TENM2: variants seen among roughly 807,000 people sequenced by gnomAD.
TENM2 encodes the protein teneurin transmembrane protein 2.
Under a neutral mutation model 245.2 loss-of-function variants are expected in TENM2, and 52 were observed. That is an observed-to-expected ratio of 0.21 (90% CI 0.17 to 0.27). The LOEUF (loss-of-function observed/expected upper bound fraction) is 0.27. Ranked by LOEUF, TENM2 falls within the 10% of genes least tolerant of loss-of-function variation. TENM2 has a pLI of 1.00. For missense variants in TENM2, 3,046 were observed against 3,666.8 expected, an observed-to-expected ratio of 0.83 and a Z score of 4.37; for synonymous variants, 1,363 against 1,438.9, an observed-to-expected ratio of 0.95 and a Z score of 1.19.
rs549951892 is a variant in TENM2, at chr5:167,871,706, ACT to A, written c.503-4277_503-4276del. 5.5e-4 allele frequency among the ~76,000 whole-genome samples: 84 copies of A among 152,072 alleles called. 2 individuals are homozygous for A. In the South Asian group the frequency reaches 0.01, roughly 18 times the overall value. ...CTGGTTTTCTGTCCATTTGCTGGAG[ACT>A]CTATACTCATTCAAAATGGAACTTT... On this transcript the variant is annotated intron_variant, in intron 2 of 28. Coordinates refer to ENST00000518659, the Ensembl canonical transcript of TENM2.
At position 168,040,556 on chromosome 5, in the gene TENM2, G is replaced by A. The variant is rs1156778036; in HGVS notation, c.1187-6871G>A. On this transcript the variant is annotated intron_variant, in intron 5 of 28. Transcript: ENST00000518659. ...CACTCAGTGTATTGCAACACTGTCT[G>A]GGAAAAATAGGAGAAATCACTTCAC... 2.0e-5 allele frequency among the ~76,000 whole-genome samples: 3 copies of A among 152,120 alleles called. No homozygotes were observed. The East Asian group carries it at 5.8e-4, about 29-fold the overall frequency.
intron 2 of TENM2, among the ~76,000 whole-genome samples, chr5:167,620,549 C>CT (rs11455974): frequency 0.54 from 39,393 of 73,440 alleles, 12,548 homozygotes; most frequent in Non-Finnish European, 0.69. Flanking sequence ...TGCTTTTTGG[C>CT]TTTTTTTTTT....
At chr5:167,935,792 G>A (rs1778660437) in intron 3 of TENM2, among the ~76,000 whole-genome samples, 1 of 152,122 alleles carries the variant, frequency 6.6e-6, no homozygotes, top group Non-Finnish European at 1.5e-5. Context: ...TAAGTTGCCA[G>A]CACTGTATTT....
In TENM2 at chr5:167,491,329, C is replaced by A. The variant is rs145260783; in HGVS notation, c.502+115856C>A. The stretch of plus-strand genomic sequence containing the variant: ...TACCTGTGAAATAAATAGAATAAAT[C>A]TTTTTACCTTATTTTTTCCTATGGG... On this transcript the variant is annotated intron_variant, in intron 2 of 28. Transcript: ENST00000518659. 4.6e-3 allele frequency among the ~76,000 whole-genome samples: 705 copies of A among 152,150 alleles called. 5 individuals carry two copies. The highest frequency in any genetic ancestry group is 0.016 in the African/African-American group (660 of 41,526).
rs76438880 is a variant in TENM2 at position 167,930,279 on chromosome 5, T to A, written c.713-22309T>A. Reference sequence around the variant, plus strand: ...ATTTCTTAACACTTATTATTTTTTTTAATCAAGGTGCTTAGGGATGCTTAG... The same window carrying A: ...ATTTCTTAACACTTATTATTTTTTTAAATCAAGGTGCTTAGGGATGCTTAG... On this transcript the variant is annotated intron_variant, in intron 3 of 28. Coordinates refer to ENST00000518659, the Ensembl canonical transcript of TENM2. 7.9e-5 allele frequency among the ~76,000 whole-genome samples: 12 copies of A among 152,302 alleles called. No homozygotes were observed. The East Asian group carries it at 1.7e-3, about 22-fold the overall frequency.
At chr5:167,140,341 C>A in the TENM2 span, among the ~76,000 whole-genome samples, 1 of 152,130 alleles carries the variant, frequency 6.6e-6, no homozygotes, top group East Asian at 1.9e-4. Context: ...AAATTAAGTT[C>A]TTGACTATAA....
At chr5:167,911,421 G>A (rs1642072203) in intron 3 of TENM2, among the ~76,000 whole-genome samples, 1 of 152,208 alleles carries the variant, frequency 6.6e-6, no homozygotes, top group Non-Finnish European at 1.5e-5. Flanking sequence ...CAGCTACTCG[G>A]GAGGCTGAGG....
At chr5:166,989,252 C>CTTT in the TENM2 span, among the ~76,000 whole-genome samples, 95 of 56,960 alleles carry the variant, frequency 1.7e-3, 17 homozygotes, top group African/African-American at 5.5e-3. Context: ...CCAAGCTAAT[C>CTTT]TTTTTTTTTT....
intron 2 of TENM2, chr5:167,660,168 A>T (rs1755108058): frequency 1.3e-5 from 2 of 152,062 alleles, no homozygotes; most frequent in South Asian, 4.1e-4. Flanking sequence ...AATGTCCTTA[A>T]TAAGAGATGT....
chr5:167,091,396 G>A, the TENM2 span, among the ~76,000 whole-genome samples: 2 of 152,120 alleles, frequency 1.3e-5, no homozygotes, highest in African/African-American at 4.8e-5. Context: ...AGCATGTTGT[G>A]ATATACTTAT....
In TENM2 at chr5:168,188,390, G is replaced by A. The variant is rs994588447; in HGVS notation, c.2570-1947G>A. On this transcript the variant is annotated intron_variant, in intron 13 of 28. Transcript: ENST00000518659. ...AAGTTATTCTCCAAGCTTCTCCACT[G>A]TGTATTCAATCCGCTCCCAGCCGAG... Among the ~76,000 whole-genome samples the A allele has an allele frequency of 1.8e-4, 28 of 152,130 alleles. 1 individual carries two copies. Among genetic ancestry groups the A allele is most frequent in the Non-Finnish European group, 1.0e-4 (7 of 68,038 alleles).
the TENM2 span, among the ~76,000 whole-genome samples, chr5:166,993,283 C>G: frequency 6.6e-6 from 1 of 152,216 alleles, no homozygotes; most frequent in South Asian, 2.1e-4. Flanking sequence ...AAAAGGAACG[C>G]AAGAGCTCCA....
At chr5:166,981,402 C>A in the TENM2 span, among the ~76,000 whole-genome samples, 1 of 152,118 alleles carries the variant, frequency 6.6e-6, no homozygotes, top group African/African-American at 2.4e-5. Context: ...TTGAGTGAAG[C>A]ATTTGTTTGT....
chr5:167,196,163 G>A, the TENM2 span, among the ~76,000 whole-genome samples: 7 of 151,960 alleles, frequency 4.6e-5, no homozygotes, highest in African/African-American at 1.4e-4. Context: ...TTACTGTACT[G>A]AATAGTATAG....
intron 3 of TENM2, among the ~76,000 whole-genome samples, chr5:167,898,079 G>A (rs1453915104): frequency 6.6e-6 from 1 of 151,998 alleles, no homozygotes; most frequent in Non-Finnish European, 1.5e-5. Flanking sequence ...CTTTGCTATA[G>A]CATTGCTTAG....
At chr5:167,570,499 C>A (rs1212646342) in intron 2 of TENM2, among the ~76,000 whole-genome samples, 1 of 152,102 alleles carries the variant, frequency 6.6e-6, no homozygotes. Context: ...GTTTGCCAAA[C>A]ATTAGCTAGT....
intron 1 of TENM2, among the ~76,000 whole-genome samples, chr5:167,333,022 A>T (rs895534243): frequency 3.9e-5 from 6 of 152,194 alleles, no homozygotes; most frequent in African/African-American, 1.2e-4. Flanking sequence ...GAAAAAATGG[A>T]TGTGAATTTA....
chr5:168,225,974 AC>A (rs1764143372), intron 23 of TENM2, 113 bp from the exon 26 acceptor site: 5 of 955,894 alleles, frequency 5.2e-6, no homozygotes, highest in Admixed American at 2.6e-5. Context: ...GAGATGCGCC[AC>A]CCAGCCAACC....
the TENM2 span, among the ~76,000 whole-genome samples, chr5:167,024,099 G>T: frequency 1.3e-5 from 2 of 152,162 alleles, no homozygotes; most frequent in African/African-American, 4.8e-5. Context: ...TCAAAATAAG[G>T]TAATAGGCTA....
Sources: allele counts gnomAD v4.1 joint callset (sites outside exome capture counted in the v4.1 genomes callset), GRCh38; gene constraint gnomAD v4.1.1; transcripts MANE v1.5; gene names NCBI Gene and HGNC (gene_info 2026-07-23, HGNC 2026-07-21).